EIF2AK4: variants seen among roughly 807,000 people sequenced by gnomAD.
EIF2AK4 encodes the protein eIF-2-alpha kinase GCN2.
A neutral mutation model predicts 211.1 loss-of-function variants in EIF2AK4; 139 were observed. That is an observed-to-expected ratio of 0.66 (90% CI 0.57 to 0.76). The LOEUF (loss-of-function observed/expected upper bound fraction) is 0.76, where lower values mean the gene tolerates loss of function less well. Ranked by LOEUF, EIF2AK4 falls within the 30% of genes least tolerant of loss-of-function variation. The pLI, the probability that EIF2AK4 is intolerant of heterozygous loss-of-function variation, is 0.00. For synonymous variants in EIF2AK4, 710 were observed against 751.3 expected, an observed-to-expected ratio of 0.94 and a Z score of 0.90; for missense variants, 1,664 against 2,043.8, an observed-to-expected ratio of 0.81 and a Z score of 3.58.
intron 2 of EIF2AK4, among the ~76,000 whole-genome samples, chr15:39,940,715 G>T (rs2034133570): frequency 6.6e-6 from 1 of 151,782 alleles, no homozygotes; most frequent in African/African-American, 2.4e-5. Context: ...CCAAATACAT[G>T]ATGCCTTTTC....
intron 32 of EIF2AK4, among the ~76,000 whole-genome samples, chr15:40,025,085 G>A (rs2035448681): frequency 6.6e-6 from 1 of 152,174 alleles, no homozygotes; most frequent in African/African-American, 2.4e-5. Context: ...CGTGGTCCTG[G>A]AAGGGCCTTT....
intron 24 of EIF2AK4, 105 bp from the exon 25 acceptor site, chr15:40,007,922 A>T: frequency 1.1e-6 from 1 of 902,056 alleles, no homozygotes; most frequent in Non-Finnish European, 1.6e-6. Flanking sequence ...CATACCACCG[A>T]TTAATTTTTT....
chr15:39,992,124 A>G, intron 16 of EIF2AK4, 51 bp from the exon 17 acceptor site: 3 of 1,504,380 alleles, frequency 2.0e-6, no homozygotes, highest in Non-Finnish European at 2.7e-6. Context: ...AGCCATTCTC[A>G]TGGAATAATA....
At chr15:39,943,538 C>A in intron 3 of EIF2AK4, 53 bp downstream of exon 3, 1 of 1,388,724 alleles carries the variant, frequency 7.2e-7, no homozygotes, top group Non-Finnish European at 9.9e-7. Context: ...CCCCATTACA[C>A]CTCAAATCCA....
intron 30 of EIF2AK4, 41 bp from the exon 31 acceptor site, chr15:40,020,858 G>A (rs370506584): frequency 1.9e-4 from 294 of 1,559,440 alleles, no homozygotes; most frequent in Admixed American, 8.6e-4. Flanking sequence ...CATGCCTGCA[G>A]TCTTGCTCCT....
Position 39,976,742 on chromosome 15 carries a change from A to T in EIF2AK4, c.2147A>T (p.Glu716Val). ...SSSVEWSTSG[E>V]RSASARFPAT... ...TCGGTGGAGTGGAGCACTTCGGGCG[A>T]GCGCTCGGCCAGTGCCCGTTTCCCC... Residue 716 changes from glutamate (E) to valine (V), a missense_variant, in exon 12 of 39, where the codon GAG (glutamate) becomes GTG (valine). Glu to Val is a moderately radical substitution (Grantham distance 121). Around this residue, in one of 7 missense-constraint regions of EIF2AK4, gnomAD observed 206 missense variants for 201.9 expected, o/e 1.02. Transcript: ENST00000263791. The T allele has an allele frequency of 6.2e-7, 1 of 1,601,114 alleles. No homozygotes were observed. The highest frequency in any genetic ancestry group is 8.5e-7 in the Non-Finnish European group (1 of 1,176,566).
rs372182811 is a variant in EIF2AK4 at position 39,949,192 on chromosome 15, A to G, written c.437A>G (p.His146Arg). Residue 146 changes from histidine (H) to arginine (R), a missense_variant, in exon 4 of 39, where the codon CAT (histidine) becomes CGT (arginine). Physicochemically the swap from His to Arg is conservative, Grantham distance 29. This residue lies in a region of EIF2AK4 where 641 missense variants were observed against 729.6 expected (regional missense o/e 0.88). Coordinates refer to ENST00000263791, the MANE Select transcript of EIF2AK4 (RefSeq NM_001013703.4). ...AACAAGCCCCCTCCCAAGTCTTTTC[A>G]TGAAGAAATGCTGGAAAGGCGGGCT... Reference protein sequence around the residue: ...EHNKPPPKSFHEEMLERRAQE... With the variant: ...EHNKPPPKSFREEMLERRAQE... 2 of 1,613,950 alleles carry G rather than the reference A, an allele frequency of 1.2e-6. No homozygotes were observed. The highest frequency in any genetic ancestry group is 2.7e-5 in the African/African-American group (2 of 74,874).
Position 39,953,952 on chromosome 15 carries a change from GAA to G in EIF2AK4, c.563_564del (p.Glu188GlyfsTer9). The G allele has an allele frequency of 6.2e-7, 1 of 1,606,006 alleles. No homozygotes were observed. Among genetic ancestry groups the G allele is most frequent in the Non-Finnish European group, 8.5e-7 (1 of 1,177,688 alleles). ...TCAGAGAAGGAAAGAAGAGATAAAA[GAA>G]GAGAAAAAAAGGAAAGAAATGGCTA... is the stretch of plus-strand genomic sequence containing the variant. ...EIQRRKEEIK[E>X]EKKRKEMAKQ... On this transcript the variant is annotated frameshift_variant, in exon 5 of 39. Coordinates refer to ENST00000263791, the MANE Select transcript of EIF2AK4 (RefSeq NM_001013703.4). LOFTEE classifies it high-confidence loss of function.
chr15:39,987,859 C>A, intron 14 of EIF2AK4, 124 bp from the exon 15 acceptor site: 1 of 1,100,812 alleles, frequency 9.1e-7, no homozygotes, highest in Non-Finnish European at 1.3e-6. Flanking sequence ...AAAACCAAGT[C>A]TTTCCCCTAA....
chr15:39,939,396 T>C (rs1032621621), intron 1 of EIF2AK4, 109 bp from the exon 2 acceptor site: 1 of 580,202 alleles, frequency 1.7e-6, no homozygotes, highest in Non-Finnish European at 2.8e-6. Context: ...AAAATATAAT[T>C]ACAAATATTT....
chr15:39,973,831 A>G, intron 11 of EIF2AK4, 82 bp downstream of exon 11: 1 of 1,514,432 alleles, frequency 6.6e-7, no homozygotes, highest in Non-Finnish European at 9.0e-7. Flanking sequence ...CTTTACTTTT[A>G]TTTTGGGAGT....
chr15:40,029,252 C>G (rs1310498810), intron 33 of EIF2AK4, 154 bp from the exon 34 acceptor site: 1 of 970,668 alleles, frequency 1.0e-6, no homozygotes, highest in Non-Finnish European at 1.2e-6. Flanking sequence ...TAACTAAATG[C>G]AAATTTTTTG....
At chr15:39,950,530 G>A (rs1288067078) in intron 4 of EIF2AK4, among the ~76,000 whole-genome samples, 1 of 151,196 alleles carries the variant, frequency 6.6e-6, no homozygotes, top group Non-Finnish European at 1.5e-5. Context: ...GGAGGAGGTT[G>A]CAGTGAGCCA....
chr15:40,031,202 T>TAC (rs2035538061), intron 35 of EIF2AK4, among the ~76,000 whole-genome samples: 1 of 152,188 alleles, frequency 6.6e-6, no homozygotes, highest in Non-Finnish European at 1.5e-5. Flanking sequence ...ATCATGGCAC[T>TAC]ACACTACAGC....
At chr15:39,949,021 C>G in intron 3 of EIF2AK4, 95 bp from the exon 4 acceptor site, 3 of 1,464,760 alleles carry the variant, frequency 2.0e-6, no homozygotes, top group Non-Finnish European at 2.8e-6. Context: ...AAGTGGGCCT[C>G]TGACCGCCAG....
intron 24 of EIF2AK4, among the ~76,000 whole-genome samples, chr15:40,007,707 A>G (rs775497288): frequency 6.6e-6 from 1 of 152,236 alleles, no homozygotes; most frequent in Non-Finnish European, 1.5e-5. Context: ...ACAAGTGAAT[A>G]ATTAATAATC....
At chr15:40,009,040 T>G (rs1289433273) in intron 25 of EIF2AK4, among the ~76,000 whole-genome samples, 1 of 152,048 alleles carries the variant, frequency 6.6e-6, no homozygotes, top group East Asian at 1.9e-4. Context: ...CTCGGGCTTT[T>G]TAACATAGCT....
At chr15:40,030,199 G>A (rs566905591) in intron 34 of EIF2AK4, among the ~76,000 whole-genome samples, 160 bp from the exon 35 acceptor site, 7 of 152,192 alleles carry the variant, frequency 4.6e-5, no homozygotes, top group South Asian at 2.1e-4. Flanking sequence ...TCACCTATCC[G>A]GTGCAGATGG....
At chr15:39,937,580 C>CT (rs1225961013) in intron 1 of EIF2AK4, among the ~76,000 whole-genome samples, 7 of 151,854 alleles carry the variant, frequency 4.6e-5, no homozygotes, top group Non-Finnish European at 8.8e-5. Context: ...TCAAAATGAC[C>CT]TTTTTTTTCT....
Sources: allele counts gnomAD v4.1 joint callset (sites outside exome capture counted in the v4.1 genomes callset), GRCh38; gene constraint gnomAD v4.1.1; regional missense constraint gnomAD v4.1.1; transcripts MANE v1.5; gene names NCBI Gene and HGNC (gene_info 2026-07-23, HGNC 2026-07-21).